Variants in CALN1 observed in about 807,000 individuals in gnomAD.
CALN1 encodes calcium-binding protein 8.
In CALN1, 17 loss-of-function variants were observed where a neutral mutation model predicts 30.6. That is an observed-to-expected ratio of 0.56 (90% CI 0.38 to 0.83). The LOEUF (loss-of-function observed/expected upper bound fraction) is 0.83, where lower values mean the gene tolerates loss of function less well. Among genes scored for constraint, CALN1 ranks in the 40% least tolerant of loss-of-function variants. CALN1 has a pLI of 0.00. For missense variants in CALN1, 291 were observed against 354.9 expected (o/e 0.82, Z 1.45); for synonymous variants, 156 against 131.4 (o/e 1.19, Z -1.28).
At chr7:72,141,169 A>G (rs1189276694) in intron 3 of CALN1, among the ~76,000 whole-genome samples, 1 of 152,274 alleles carries the variant, frequency 6.6e-6, no homozygotes, top group East Asian at 1.9e-4. Flanking sequence ...GCGGTAGCTC[A>G]TACCTGTAAT....
chr7:72,164,806 GGTGCGTA>G (rs1279022999), intron 3 of CALN1, among the ~76,000 whole-genome samples: 1 of 152,144 alleles, frequency 6.6e-6, no homozygotes, highest in Admixed American at 6.6e-5. Flanking sequence ...TAGGAATACA[GGTGCGTA>G]CCACCATGCC....
At chr7:72,375,265 C>G (rs1348107864) in intron 2 of CALN1, among the ~76,000 whole-genome samples, 1 of 151,952 alleles carries the variant, frequency 6.6e-6, no homozygotes, top group Non-Finnish European at 1.5e-5. Flanking sequence ...GAGGCTTGAC[C>G]AGAAAAAAGA....
At chr7:72,475,827 T>C in the CALN1 span, among the ~76,000 whole-genome samples, 5 of 151,942 alleles carry the variant, frequency 3.3e-5, no homozygotes, top group African/African-American at 1.2e-4. Context: ...AATTGAATCA[T>C]AGGGGCCGGT....
intron 5 of CALN1, among the ~76,000 whole-genome samples, chr7:72,006,620 C>T (rs1799785348): frequency 6.7e-6 from 1 of 150,292 alleles, no homozygotes; most frequent in African/African-American, 2.4e-5. Flanking sequence ...CCAGTGAAAA[C>T]AAATAAAGAG....
chr7:71,943,515 A>G (rs1026695187), intron 5 of CALN1, among the ~76,000 whole-genome samples: 3 of 152,188 alleles, frequency 2.0e-5, no homozygotes, highest in Non-Finnish European at 4.4e-5. Context: ...ATATCAGCTC[A>G]TGGCAACCTC....
intron 5 of CALN1, among the ~76,000 whole-genome samples, chr7:71,999,857 A>G (rs1799440900): frequency 1.3e-5 from 2 of 152,110 alleles, no homozygotes; most frequent in South Asian, 4.2e-4. Context: ...ACCAAGACAG[A>G]TAATATAAAG....
intron 5 of CALN1, among the ~76,000 whole-genome samples, chr7:72,010,897 G>A (rs1323561661): frequency 6.6e-6 from 1 of 152,012 alleles, no homozygotes; most frequent in Non-Finnish European, 1.5e-5. Flanking sequence ...GCTAATGCCT[G>A]TAATCCCAGC....
At chr7:72,214,541 T>G (rs568819464) in intron 3 of CALN1, among the ~76,000 whole-genome samples, 2 of 151,980 alleles carry the variant, frequency 1.3e-5, no homozygotes, top group African/African-American at 4.8e-5. Context: ...ATAGGTCTTT[T>G]GAGGACTTTG....
At chr7:72,083,609 T>C (rs992443024) in intron 4 of CALN1, among the ~76,000 whole-genome samples, 2 of 151,672 alleles carry the variant, frequency 1.3e-5, no homozygotes. Context: ...TAAAAATAAA[T>C]GAAAATGCAA....
At chr7:71,948,386 T>C (rs970126069) in intron 5 of CALN1, among the ~76,000 whole-genome samples, 7 of 152,162 alleles carry the variant, frequency 4.6e-5, no homozygotes, top group African/African-American at 1.7e-4. Flanking sequence ...AAGGAAGCCA[T>C]GGCCTTCTAA....
chr7:71,822,017 C>T (rs1296082438), intron 5 of CALN1, among the ~76,000 whole-genome samples: 1 of 151,968 alleles, frequency 6.6e-6, no homozygotes, highest in Non-Finnish European at 1.5e-5. Flanking sequence ...AATCTGTCCG[C>T]CTCAGCCTCC....
At chr7:72,316,548 C>T (rs755244525) in intron 2 of CALN1, among the ~76,000 whole-genome samples, 2 of 152,094 alleles carry the variant, frequency 1.3e-5, no homozygotes, top group African/African-American at 2.4e-5. Flanking sequence ...TCAATGATTA[C>T]CTCTGGGGTC....
intron 6 of CALN1, among the ~76,000 whole-genome samples, chr7:71,790,005 G>A (rs1226073601): frequency 2.0e-5 from 3 of 151,924 alleles, no homozygotes; most frequent in Non-Finnish European, 4.4e-5. Flanking sequence ...TTGGGAGGCT[G>A]AGGCAGAAGG....
intron 5 of CALN1, among the ~76,000 whole-genome samples, chr7:71,996,047 C>A (rs1448497974): frequency 1.3e-5 from 2 of 152,146 alleles, no homozygotes; most frequent in African/African-American, 4.8e-5. Flanking sequence ...GGGACCCCAG[C>A]AGCCCTGTAT....
chr7:71,906,322 C>T (rs1290770440), intron 5 of CALN1, among the ~76,000 whole-genome samples: 1 of 152,062 alleles, frequency 6.6e-6, no homozygotes, highest in Non-Finnish European at 1.5e-5. Flanking sequence ...AGGTAGACCA[C>T]GTATTTCCCG....
intron 5 of CALN1, among the ~76,000 whole-genome samples, chr7:71,992,513 T>C (rs1799007859): frequency 6.6e-6 from 1 of 152,166 alleles, no homozygotes; most frequent in South Asian, 2.1e-4. Context: ...CACATCACCA[T>C]GCCCGCTAAG....
intron 2 of CALN1, among the ~76,000 whole-genome samples, chr7:72,333,951 A>C (rs1801836937): frequency 6.6e-6 from 1 of 152,220 alleles, no homozygotes; most frequent in African/African-American, 2.4e-5. Flanking sequence ...AAAGGTTCCC[A>C]AAATACTTTT....
At chr7:71,804,515 AAAAT>A (rs973246211) in intron 6 of CALN1, among the ~76,000 whole-genome samples, 4 of 152,284 alleles carry the variant, frequency 2.6e-5, no homozygotes, top group East Asian at 3.9e-4. Context: ...TTATTTTATT[AAAAT>A]AAATAAATAA....
Position 72,345,089 on chromosome 7 carries a change from CAT to C in CALN1, c.119+58160_119+58161del, listed in dbSNP as rs536314874. 6.8e-5 allele frequency among the ~76,000 whole-genome samples: 10 copies of C among 147,990 alleles called. No individual in the cohort carries two copies. The East Asian group carries it at 7.8e-4, about 12-fold the overall frequency. On this transcript the variant is annotated intron_variant, in intron 2 of 6. Transcript: ENST00000395275. Reference sequence around the variant, plus strand: ...TTCATGCATGTTATGTATAATTATACATGTTATATAATTATGTTATACGAAAT... The same window carrying C: ...TTCATGCATGTTATGTATAATTATACGTTATATAATTATGTTATACGAAAT...
Sources: gnomAD v4.1 joint callset for allele counts (sites outside exome capture counted in the v4.1 genomes callset) on GRCh38, gnomAD v4.1.1 for gene constraint, MANE v1.5 for transcripts, NCBI Gene and HGNC (gene_info 2026-07-23, HGNC 2026-07-21) for gene names.